LCLAT1: variants seen among roughly 807,000 people sequenced by gnomAD.
The protein encoded by LCLAT1 is lysocardiolipin acyltransferase 1.
LCLAT1 carries 11 observed loss-of-function variants against 30.7 expected under a neutral mutation model. That is an observed-to-expected ratio of 0.36 (90% CI 0.23 to 0.59). LCLAT1 has a LOEUF of 0.59. Among genes scored for constraint, LCLAT1 ranks in the 20% least tolerant of loss-of-function variants. The pLI, the probability that LCLAT1 is intolerant of heterozygous loss-of-function variation, is 0.77. For missense variants in LCLAT1, 402 were observed against 458.6 expected (o/e 0.88, Z 1.13); for synonymous variants, 155 against 151.3 (o/e 1.02, Z -0.18).
rs115413711 is a variant in LCLAT1 at position 30,603,310 on chromosome 2, A to G, written c.628+35134A>G. On this transcript the variant is annotated intron_variant, in intron 5 of 5. Coordinates refer to ENST00000379509, the MANE Select transcript of LCLAT1 (RefSeq NM_001002257.3). ...AAAAACCTAGCGTGTCTAGAGATAC[A>G]ATACAGTGAACGAAAAAGACAGATC... is the stretch of plus-strand genomic sequence containing the variant. Among the ~76,000 whole-genome samples the G allele has an allele frequency of 6.6e-3, 1,008 of 152,262 alleles. 9 individuals carry two copies. The highest frequency in any genetic ancestry group is 0.023 in the African/African-American group (957 of 41,564).
At chr2:30,493,317 A>C (rs545377194) in intron 1 of LCLAT1, among the ~76,000 whole-genome samples, 1 of 152,330 alleles carries the variant, frequency 6.6e-6, no homozygotes, top group East Asian at 1.9e-4. Context: ...TAAAATGTTG[A>C]TATATCAATA....
intron 1 of LCLAT1, among the ~76,000 whole-genome samples, chr2:30,487,952 G>A (rs1329571340): frequency 6.6e-6 from 1 of 152,198 alleles, no homozygotes; most frequent in African/African-American, 2.4e-5. Flanking sequence ...GTGATGCAGT[G>A]TTCTAAAATT....
Position 30,642,715 on chromosome 2 carries a change from G to C in LCLAT1, c.*2096G>C, listed in dbSNP as rs908829955. The C allele has an allele frequency of 2.3e-4, 34 of 149,768 alleles. No homozygotes were observed. The highest frequency in any genetic ancestry group is 8.4e-4 in the African/African-American group (34 of 40,682). 9.3% of individuals were successfully genotyped at this position (149,768 alleles called of 1,614,324 possible). ...GAAGATCCTCATTTTTTACAATTTT[G>C]TTCCTTTTCATCATAGAAAACATGT... On this transcript the variant is annotated 3_prime_UTR_variant, in exon 6 of 6. Coordinates refer to ENST00000379509, the MANE Select transcript of LCLAT1 (RefSeq NM_001002257.3).
At position 30,631,834 on chromosome 2, in the gene LCLAT1, T is replaced by C. The variant is rs529274682; in HGVS notation, c.629-8283T>C. 3.3e-5 allele frequency among the ~76,000 whole-genome samples: 5 copies of C among 152,300 alleles called. No homozygotes were observed. The East Asian group carries it at 9.6e-4, about 29-fold the overall frequency. On this transcript the variant is annotated intron_variant, in intron 5 of 5. Coordinates refer to ENST00000379509, the MANE Select transcript of LCLAT1 (RefSeq NM_001002257.3). ...ACTTGGGGCTATTCATTTTTTTATA[T>C]ATGAGAGTTCCAAGAGCTGTGATTT...
intron 5 of LCLAT1, among the ~76,000 whole-genome samples, chr2:30,568,505 C>CTTTTTT (rs35285466): frequency 3.5e-5 from 3 of 85,360 alleles, no homozygotes; most frequent in East Asian, 3.4e-4. Flanking sequence ...GTCTTTCTTT[C>CTTTTTT]TTTTTTTTTT....
intron 1 of LCLAT1, among the ~76,000 whole-genome samples, chr2:30,451,012 A>G (rs184271668): frequency 1.3e-5 from 2 of 152,344 alleles, no homozygotes; most frequent in African/African-American, 4.8e-5. Flanking sequence ...TGTGTGTAGC[A>G]TAAACAAAAT....
At chr2:30,496,677 A>G (rs1684133585) in intron 1 of LCLAT1, among the ~76,000 whole-genome samples, 1 of 152,146 alleles carries the variant, frequency 6.6e-6, no homozygotes, top group African/African-American at 2.4e-5. Flanking sequence ...GATTAGTGTT[A>G]AGCCTAGCAT....
intron 1 of LCLAT1, among the ~76,000 whole-genome samples, chr2:30,472,546 T>C (rs1682851639): frequency 6.6e-6 from 1 of 152,190 alleles, no homozygotes. Flanking sequence ...CTTTTTCTTT[T>C]CTTATAAAAG....
At chr2:30,583,133 A>G (rs1666276357) in intron 5 of LCLAT1, among the ~76,000 whole-genome samples, 1 of 152,244 alleles carries the variant, frequency 6.6e-6, no homozygotes, top group African/African-American at 2.4e-5. Context: ...GCCAACACAT[A>G]TAACTAGCTA....
At chr2:30,538,923 A>T (rs1360420987) in intron 3 of LCLAT1, among the ~76,000 whole-genome samples, 3 of 151,792 alleles carry the variant, frequency 2.0e-5, no homozygotes, top group African/African-American at 7.3e-5. Flanking sequence ...TCAGCACCAG[A>T]TGGCTTCACT....
intron 2 of LCLAT1, among the ~76,000 whole-genome samples, chr2:30,528,705 T>C (rs1362911739): frequency 6.6e-6 from 1 of 152,196 alleles, no homozygotes; most frequent in Non-Finnish European, 1.5e-5. Flanking sequence ...ACTTTTGTCT[T>C]ATTAGCTGTT....
chr2:30,536,218 C>G (rs1368675307), intron 3 of LCLAT1, among the ~76,000 whole-genome samples: 1 of 152,072 alleles, frequency 6.6e-6, no homozygotes, highest in Non-Finnish European at 1.5e-5. Context: ...GCATTGAAAC[C>G]TACTTAATGA....
chr2:30,512,385 C>T (rs559672465), intron 1 of LCLAT1, among the ~76,000 whole-genome samples: 12 of 152,236 alleles, frequency 7.9e-5, no homozygotes, highest in Admixed American at 7.2e-4. Context: ...CCTCTGGACA[C>T]GCTCTCCATT....
chr2:30,608,693 T>C (rs1302261525), intron 5 of LCLAT1, among the ~76,000 whole-genome samples: 1 of 152,156 alleles, frequency 6.6e-6, no homozygotes, highest in East Asian at 1.9e-4. Context: ...GGCCATACCA[T>C]ATAGCCTAGG....
intron 5 of LCLAT1, among the ~76,000 whole-genome samples, chr2:30,569,547 A>T (rs1410110687): frequency 1.3e-5 from 2 of 152,132 alleles, no homozygotes; most frequent in East Asian, 3.9e-4. Flanking sequence ...TAACTGATAT[A>T]TTTTCATAAA....
intron 5 of LCLAT1, among the ~76,000 whole-genome samples, chr2:30,601,928 C>G: frequency 6.9e-6 from 1 of 145,842 alleles, no homozygotes; most frequent in Middle Eastern, 3.5e-3. Flanking sequence ...ATAAAAACTT[C>G]AAAACAGTCC....
At chr2:30,548,098 A>C (rs1664509020) in intron 3 of LCLAT1, among the ~76,000 whole-genome samples, 1 of 152,144 alleles carries the variant, frequency 6.6e-6, no homozygotes, top group African/African-American at 2.4e-5. Flanking sequence ...TGAAACATAA[A>C]GTTTTGGTAA....
Position 30,573,447 on chromosome 2 carries a change from C to G in LCLAT1, c.628+5271C>G, listed in dbSNP as rs1275098738. On this transcript the variant is annotated intron_variant, in intron 5 of 5. Transcript: ENST00000379509. ...GTATCCAGGTACTGGAGTAAGGTCT[C>G]ACAGAATTCCAAGGTTAAATCTACT... Among the ~76,000 whole-genome samples the G allele has an allele frequency of 3.3e-5, 5 of 152,156 alleles. No individual in the cohort carries two copies. In the East Asian group the frequency reaches 9.6e-4, roughly 29 times the overall value.
chr2:30,452,153 A>G lies in LCLAT1; in HGVS notation c.-5+4770A>G, dbSNP rs1471699767. ...ATATGTTGAGATGTGTGGTGGTTACATGGGTGTATGTATATGTAAAAATTC... is the reference window on the plus strand; with the variant it reads ...ATATGTTGAGATGTGTGGTGGTTACGTGGGTGTATGTATATGTAAAAATTC... On this transcript the variant is annotated intron_variant, in intron 1 of 5. Coordinates refer to ENST00000379509, the MANE Select transcript of LCLAT1 (RefSeq NM_001002257.3). Among the ~76,000 whole-genome samples, 8 of 152,144 alleles carry G rather than the reference A, an allele frequency of 5.3e-5. No homozygotes were observed. In the South Asian group the frequency reaches 8.3e-4, roughly 16 times the overall value.
Sources: allele counts gnomAD v4.1 joint callset (sites outside exome capture counted in the v4.1 genomes callset), GRCh38; gene constraint gnomAD v4.1.1; transcripts MANE v1.5; gene names NCBI Gene and HGNC (gene_info 2026-07-23, HGNC 2026-07-21).